The following ZNF609 variants were observed in gnomAD, a reference collection of about 807,000 sequenced individuals.
ZNF609 encodes the protein zinc finger protein 609.
Under a neutral mutation model 109.5 loss-of-function variants are expected in ZNF609, and 11 were observed. The ratio of observed to expected loss-of-function variants is 0.10; its 90% CI spans 0.06 to 0.17. The LOEUF is 0.17. Ranked by LOEUF, ZNF609 falls within the 10% of genes least tolerant of loss-of-function variation. ZNF609 has a pLI of 1.00. For synonymous variants in ZNF609, 646 were observed against 662.0 expected (o/e 0.98, Z 0.37); for missense variants, 1,559 against 1,772.4 (o/e 0.88, Z 2.16).
At chr15:64,670,464 A>G (rs750467588) in intron 4 of ZNF609, 31 bp downstream of exon 4, 45 of 1,566,276 alleles carry the variant, frequency 2.9e-5, no homozygotes, top group Non-Finnish European at 3.8e-5. Flanking sequence ...AGTTTATATT[A>G]TTCTGAACCA....
At chr15:64,643,730 G>C (rs550316391) in intron 3 of ZNF609, 3 of 152,234 alleles carry the variant, frequency 2.0e-5, no homozygotes, top group Non-Finnish European at 4.4e-5. Flanking sequence ...ATTCATACTA[G>C]CACTGGACAT....
At chr15:64,638,950 C>T (rs960047160) in intron 3 of ZNF609, among the ~76,000 whole-genome samples, 2 of 151,920 alleles carry the variant, frequency 1.3e-5, no homozygotes, top group Admixed American at 1.3e-4. Context: ...CTCCTATTCT[C>T]AATCAGCATG....
intron 2 of ZNF609, among the ~76,000 whole-genome samples, chr15:64,611,536 G>A (rs538540095): frequency 2.0e-4 from 31 of 152,232 alleles, no homozygotes; most frequent in African/African-American, 7.0e-4. Flanking sequence ...TGAATATCAG[G>A]ATTGTTTGAT....
chr15:64,490,643 A>T (rs1893400966), intron 1 of ZNF609, among the ~76,000 whole-genome samples: 2 of 152,036 alleles, frequency 1.3e-5, no homozygotes, highest in South Asian at 4.1e-4. Flanking sequence ...CTAGCTATAC[A>T]CAGGATTTAG....
chr15:64,580,955 C>CTTTTTTTTT (rs57690590), intron 2 of ZNF609, among the ~76,000 whole-genome samples: 9 of 58,744 alleles, frequency 1.5e-4, no homozygotes, highest in African/African-American at 7.0e-4. Context: ...TCAATGTCTT[C>CTTTTTTTTT]TTTTTTTTTT....
intron 2 of ZNF609, among the ~76,000 whole-genome samples, chr15:64,536,557 C>G (rs1466414756): frequency 6.6e-6 from 1 of 152,080 alleles, no homozygotes; most frequent in Non-Finnish European, 1.5e-5. Flanking sequence ...AGTGCACCAT[C>G]TAACCAGGGA....
chr15:64,491,978 A>G (rs1449291451), intron 1 of ZNF609, among the ~76,000 whole-genome samples: 5 of 152,226 alleles, frequency 3.3e-5, no homozygotes, highest in Admixed American at 2.0e-4. Flanking sequence ...GTGGTGGCTC[A>G]TGCCTGTAAT....
At chr15:64,616,514 CTTTTTTTT>C (rs56145140) in intron 2 of ZNF609, among the ~76,000 whole-genome samples, 5 of 66,920 alleles carry the variant, frequency 7.5e-5, no homozygotes, top group Non-Finnish European at 1.4e-4. Flanking sequence ...AAACTGATAT[CTTTTTTTT>C]TTTTTTTTTT....
chr15:64,544,034 C>T (rs569911807), intron 2 of ZNF609, among the ~76,000 whole-genome samples: 1 of 152,212 alleles, frequency 6.6e-6, no homozygotes, highest in East Asian at 1.9e-4. Flanking sequence ...AAAATCCATA[C>T]AGCAGAAAAT....
rs1370746702 is a variant in ZNF609, at chr15:64,577,027, T to TATAC, written c.748-45797_748-45796insCATA. 2.7e-3 allele frequency among the ~76,000 whole-genome samples: 351 copies of TATAC among 130,248 alleles called. 6 individuals carry two copies. The highest frequency in any genetic ancestry group is 3.4e-3 in the African/African-American group (120 of 35,532). 85.4% of individuals were successfully genotyped at this position (130,248 alleles called of 152,430 possible). ...ATATATGTATGTATACACATAAATA[T>TATAC]ATATATGTATATATACACATAAATA... is the stretch of plus-strand genomic sequence containing the variant. On this transcript the variant is annotated intron_variant, in intron 2 of 9. Transcript: ENST00000326648.
intron 4 of ZNF609, 125 bp from the exon 5 acceptor site, chr15:64,673,791 T>A: frequency 8.7e-7 from 1 of 1,144,534 alleles, no homozygotes; most frequent in Non-Finnish European, 1.2e-6. Context: ...CAGAATTTCT[T>A]TTAACAAATC....
At chr15:64,490,616 T>C (rs1483198723) in intron 1 of ZNF609, among the ~76,000 whole-genome samples, 1 of 152,152 alleles carries the variant, frequency 6.6e-6, no homozygotes, top group Non-Finnish European at 1.5e-5. Context: ...TCAGATAATC[T>C]GCCTCTGCTT....
chr15:64,517,449 T>C (rs1211387966), intron 2 of ZNF609, among the ~76,000 whole-genome samples: 1 of 152,210 alleles, frequency 6.6e-6, no homozygotes, highest in African/African-American at 2.4e-5. Flanking sequence ...AATTAATGTT[T>C]TTCTGGACTT....
intron 1 of ZNF609, among the ~76,000 whole-genome samples, chr15:64,468,778 T>A (rs532935060): frequency 6.6e-6 from 1 of 152,136 alleles, no homozygotes; most frequent in Non-Finnish European, 1.5e-5. Context: ...AAAACCCAGA[T>A]TCTGATCATT....
At chr15:64,576,997 A>AATATATATGTATATATACAC (rs1475123859) in intron 2 of ZNF609, among the ~76,000 whole-genome samples, 5 of 123,646 alleles carry the variant, frequency 4.0e-5, no homozygotes, top group Non-Finnish European at 8.1e-5. Context: ...TATACACATA[A>AATATATATGTATATATACAC]ATATATATAT....
chr15:64,517,747 G>A (rs1420118608), intron 2 of ZNF609, among the ~76,000 whole-genome samples: 1 of 151,404 alleles, frequency 6.6e-6, no homozygotes, highest in Non-Finnish European at 1.5e-5. Flanking sequence ...TCTGTGGAGT[G>A]TGTGTATATA....
chr15:64,673,413 C>T (rs545586799), intron 4 of ZNF609, among the ~76,000 whole-genome samples: 5 of 152,052 alleles, frequency 3.3e-5, no homozygotes, highest in Non-Finnish European at 5.9e-5. Flanking sequence ...TCAAAGAACT[C>T]ATGTACTCTT....
At chr15:64,504,452 C>G (rs1264106090) in intron 2 of ZNF609, among the ~76,000 whole-genome samples, 1 of 152,016 alleles carries the variant, frequency 6.6e-6, no homozygotes, top group Admixed American at 6.6e-5. Context: ...TCTCAATTTT[C>G]CCACTTTATT....
intron 2 of ZNF609, among the ~76,000 whole-genome samples, chr15:64,596,555 GC>G: frequency 6.6e-6 from 1 of 152,186 alleles, no homozygotes; most frequent in Non-Finnish European, 1.5e-5. Flanking sequence ...CATCTTTTGG[GC>G]CTCAGTTTAA....
Sources: gnomAD v4.1 joint callset for allele counts (sites outside exome capture counted in the v4.1 genomes callset) on GRCh38, gnomAD v4.1.1 for gene constraint, MANE v1.5 for transcripts, NCBI Gene and HGNC (gene_info 2026-07-23, HGNC 2026-07-21) for gene names.